Variants in OSBPL5 observed in about 807,000 individuals in gnomAD.
OSBPL5 encodes the protein oxysterol-binding protein-related protein 5.
In OSBPL5, 71 loss-of-function variants were observed where a neutral mutation model predicts 111.2. The observed-to-expected ratio is 0.64, with a 90% CI of 0.53 to 0.78. The LOEUF (loss-of-function observed/expected upper bound fraction) is 0.78. Ranked by LOEUF, OSBPL5 falls within the 30% of genes least tolerant of loss-of-function variation. OSBPL5 has a pLI of 0.00. For synonymous variants in OSBPL5, 549 were observed against 513.9 expected, an observed-to-expected ratio of 1.07 and a Z score of -0.93; for missense variants, 1,210 against 1,189.3, an observed-to-expected ratio of 1.02 and a Z score of -0.26.
Position 3,088,297 on chromosome 11 carries a change from G to A in OSBPL5, c.2548C>T (p.Pro850Ser). Residue 850 changes from proline to serine, a missense_variant, in exon 22 of 22, where the codon CCG (proline) becomes TCG (serine). Transcript: ENST00000263650. ...GGGCTCTGCAGGAGGCCTGGGGTCG[G>A]TGCCTGTGCTGCCCGTGCCGTGGAG... is the stretch of plus-strand genomic sequence containing the variant. ...LSSTARAAQA[P>S]TPGLLQSPRS... The A allele has an allele frequency of 6.2e-7, 1 of 1,605,790 alleles. No individual in the cohort carries two copies. Among genetic ancestry groups the A allele is most frequent in the Non-Finnish European group, 8.5e-7 (1 of 1,176,772 alleles).
Position 3,092,491 on chromosome 11 carries a change from G to A in OSBPL5, c.2200C>T (p.Gln734Ter). ...GTCTGGCGGGCCACGGCCTCCTGCT[G>A]CAAGGTCCGCAGGATCCCGTCTTGC... ...FEQDGILRTL[Q>*]QEAVARQTTF... Residue 734 changes from glutamine to a stop codon, truncating the protein, a stop_gained, in exon 19 of 22, where the codon CAG becomes TAG. Transcript: ENST00000263650. LOFTEE classifies it high-confidence loss of function. The surrounding 1 kb of genome is among the most constrained non-coding windows in gnomAD (Gnocchi z 5.4). The A allele has an allele frequency of 6.3e-7, 1 of 1,576,854 alleles. No homozygotes were observed. Among genetic ancestry groups the A allele is most frequent in the Non-Finnish European group, 8.6e-7 (1 of 1,161,698 alleles).
intron 19 of OSBPL5, among the ~76,000 whole-genome samples, chr11:3,090,973 C>A (rs4619135): frequency 0.27 from 41,424 of 152,240 alleles, 7,624 homozygotes; most frequent in East Asian, 0.78. Context: ...GACACGCCTG[C>A]CCTGTGCTCA....
chr11:3,109,667 G>T lies in OSBPL5; in HGVS notation c.692-1722C>A, dbSNP rs550092493. On this transcript the variant is annotated intron_variant, in intron 7 of 21. Coordinates refer to ENST00000263650, the MANE Select transcript of OSBPL5 (RefSeq NM_020896.4). This position sits in a 1 kb window ranked among gnomAD's most constrained non-coding sequence, Gnocchi z 7.4. The stretch of plus-strand genomic sequence containing the variant: ...TGGGATCCTGCTGGTTCCACTGCAG[G>T]CTTGGTTGGTGCCAGAGCGGCCAAG... 7.9e-5 allele frequency among the ~76,000 whole-genome samples: 12 copies of T among 152,156 alleles called. No individual in the cohort carries two copies. The East Asian group carries it at 2.3e-3, about 30-fold the overall frequency.
At chr11:3,103,371 C>T in intron 10 of OSBPL5, 51 bp from the exon 11 acceptor site, 1 of 1,492,134 alleles carries the variant, frequency 6.7e-7, no homozygotes, top group South Asian at 1.2e-5. Context: ...CCGTGGGCCA[C>T]CCTCCCTTTC....
chr11:3,131,381 TCATCCATC>T (rs141516164), intron 1 of OSBPL5, among the ~76,000 whole-genome samples: 27 of 138,028 alleles, frequency 2.0e-4, no homozygotes, highest in African/African-American at 7.3e-4. Context: ...ACCCACCCAT[TCATCCATC>T]CATCCATCCA....
intron 1 of OSBPL5, among the ~76,000 whole-genome samples, chr11:3,136,476 C>A (rs1845950486): frequency 6.6e-6 from 1 of 152,268 alleles, no homozygotes; most frequent in Non-Finnish European, 1.5e-5. Flanking sequence ...CAGCTGAGTC[C>A]TGGACTCATT....
chr11:3,143,555 C>T (rs981896366), intron 1 of OSBPL5, among the ~76,000 whole-genome samples: 42 of 152,198 alleles, frequency 2.8e-4, no homozygotes, highest in African/African-American at 8.4e-4. Flanking sequence ...ACACATGCGA[C>T]GACACGGATG....
At position 3,140,716 on chromosome 11, in the gene OSBPL5, A is replaced by G. The variant is rs1043260425; in HGVS notation, c.-21-11547T>C. Among the ~76,000 whole-genome samples, 23 of 152,296 alleles carry G rather than the reference A, an allele frequency of 1.5e-4. No homozygotes were observed. The highest frequency in any genetic ancestry group is 5.3e-4 in the African/African-American group (22 of 41,564). ...CCTTGTTTCCAAGACCAGAGAGGTC[A>G]TAAGGTCACCTGCTGCCCACACGTC... On this transcript the variant is annotated intron_variant, in intron 1 of 21. Transcript: ENST00000263650. The surrounding 1 kb of genome is among the most constrained non-coding windows in gnomAD (Gnocchi z 4.5).
At chr11:3,135,053 T>C (rs535414016) in intron 1 of OSBPL5, among the ~76,000 whole-genome samples, 1 of 152,324 alleles carries the variant, frequency 6.6e-6, no homozygotes, top group African/African-American at 2.4e-5. Flanking sequence ...GGCTCCTCCT[T>C]CTTCCTCGGA....
rs1466222469 is a variant in OSBPL5, at chr11:3,161,654, A to G, written c.-22+3562T>C. Among the ~76,000 whole-genome samples, 1 of 151,838 alleles carries G rather than the reference A, an allele frequency of 6.6e-6. No individual in the cohort carries two copies. The highest frequency in any genetic ancestry group is 2.4e-5 in the African/African-American group (1 of 41,332). ...GCGGCACCCACCAGGGACAGATGCC[A>G]CGCACCAGCGGCGCCCACCATGAAC... On this transcript the variant is annotated intron_variant, in intron 1 of 21. Transcript: ENST00000263650. This position sits in a 1 kb window ranked among gnomAD's most constrained non-coding sequence, Gnocchi z 8.0.
chr11:3,131,863 A>ATCCTCCTG (rs1554902762), intron 1 of OSBPL5, among the ~76,000 whole-genome samples: 2 of 92,946 alleles, frequency 2.2e-5, no homozygotes, highest in Non-Finnish European at 2.0e-5. Flanking sequence ...CAAACCATCC[A>ATCCTCCTG]TCCATCCATC....
intron 1 of OSBPL5, among the ~76,000 whole-genome samples, chr11:3,144,555 G>A (rs956078786): frequency 3.3e-5 from 5 of 152,190 alleles, no homozygotes; most frequent in African/African-American, 7.2e-5. Flanking sequence ...GCCTGACCCC[G>A]TTCCACCGAC....
Position 3,092,864 on chromosome 11 carries a change from C to T in OSBPL5, c.2132+3G>A. 6.5e-7 allele frequency: 1 copy of T among 1,528,712 alleles called. No homozygotes were observed. The highest frequency in any genetic ancestry group is 2.5e-5 in the East Asian group (1 of 40,754). 94.7% of individuals were successfully genotyped at this position (1,528,712 alleles called of 1,614,324 possible). On this transcript the variant is annotated splice_donor_region_variant and intron_variant, in intron 18 of 21. Coordinates refer to ENST00000263650, the MANE Select transcript of OSBPL5 (RefSeq NM_020896.4). This position sits in a 1 kb window ranked among gnomAD's most constrained non-coding sequence, Gnocchi z 5.4. Reference sequence around the variant, plus strand: ...TGGCCCCCAGGGCTTTGTCGGCACTCACTCCTCGTATCGGTAGTGCCACTC... The same window carrying T: ...TGGCCCCCAGGGCTTTGTCGGCACTTACTCCTCGTATCGGTAGTGCCACTC...
Position 3,126,584 on chromosome 11 carries a change from C to T in OSBPL5, c.137-29G>A. Reference sequence around the variant, plus strand: ...CAAGAGAGCAGTGGGAGTGAGGACCCAGGCATGGTGGCGTGGCCAGGCTTC... The same window carrying T: ...CAAGAGAGCAGTGGGAGTGAGGACCTAGGCATGGTGGCGTGGCCAGGCTTC... On this transcript the variant is annotated intron_variant, in intron 2 of 21. Coordinates refer to ENST00000263650, the MANE Select transcript of OSBPL5 (RefSeq NM_020896.4). The surrounding 1 kb of genome is among the most constrained non-coding windows in gnomAD (Gnocchi z 6.5). The T allele has an allele frequency of 1.3e-6, 2 of 1,588,324 alleles. No homozygotes were observed. The highest frequency in any genetic ancestry group is 3.5e-5 in the Admixed American group (2 of 57,788).
Position 3,120,452 on chromosome 11 carries a change from T to TG in OSBPL5, c.574dup (p.His192ProfsTer16). The TG allele has an allele frequency of 1.9e-6, 3 of 1,612,814 alleles. No individual in the cohort carries two copies. Among genetic ancestry groups the TG allele is most frequent in the Non-Finnish European group, 2.5e-6 (3 of 1,179,928 alleles). ...GGCCCAGACGGACTGATCCAGCGGG[T>TG]GGAAGAGCTTGAAGCAGAAGCCGTC... On this transcript the variant is annotated frameshift_variant, in exon 6 of 22. Transcript: ENST00000263650. LOFTEE classifies it high-confidence loss of function.
intron 12 of OSBPL5, 50 bp downstream of exon 12, chr11:3,102,133 C>A (rs200955946): frequency 6.5e-7 from 1 of 1,538,146 alleles, no homozygotes; most frequent in African/African-American, 1.4e-5. Flanking sequence ...CACAGAGCCC[C>A]GCCCCATAGA....
At chr11:3,127,522 A>G (rs1406936141) in intron 2 of OSBPL5, among the ~76,000 whole-genome samples, 1 of 152,176 alleles carries the variant, frequency 6.6e-6, no homozygotes, top group Non-Finnish European at 1.5e-5. Context: ...ACAGTCACAG[A>G]ACATCGCTGA....
At chr11:3,089,821 G>T (rs1275433265) in intron 21 of OSBPL5, 25 bp downstream of exon 21, 1 of 1,548,540 alleles carries the variant, frequency 6.5e-7, no homozygotes, top group Non-Finnish European at 8.7e-7. Flanking sequence ...CCGGAGTCTG[G>T]ATGGACACCC....
At position 3,140,655 on chromosome 11, in the gene OSBPL5, C is replaced by A. The variant is rs763493622; in HGVS notation, c.-21-11486G>T. Among the ~76,000 whole-genome samples, 7 of 152,144 alleles carry A rather than the reference C, an allele frequency of 4.6e-5. No individual in the cohort carries two copies. Among genetic ancestry groups the A allele is most frequent in the Admixed American group, 4.6e-4 (7 of 15,290 alleles). ...CATCGTCGTCCCGGCTCCCCTCTGT[C>A]CCCCAGCTCACATTACCCAGGACTG... On this transcript the variant is annotated intron_variant, in intron 1 of 21. Coordinates refer to ENST00000263650, the MANE Select transcript of OSBPL5 (RefSeq NM_020896.4). The surrounding 1 kb of genome is among the most constrained non-coding windows in gnomAD (Gnocchi z 4.5).
Sources: gnomAD v4.1 joint callset for allele counts (sites outside exome capture counted in the v4.1 genomes callset) on GRCh38, gnomAD v4.1.1 for gene constraint, Gnocchi (gnomAD v3.1) non-coding constraint, MANE v1.5 for transcripts, NCBI Gene and HGNC (gene_info 2026-07-23, HGNC 2026-07-21) for gene names.